The following SOCS7 variants were observed in gnomAD, a reference collection of about 807,000 sequenced individuals.
SOCS7 encodes the protein suppressor of cytokine signaling 7, also known as NAP-4.
A neutral mutation model predicts 58.9 loss-of-function variants in SOCS7; 18 were observed. The observed-to-expected ratio is 0.31, with a 90% CI of 0.21 to 0.45. The LOEUF (loss-of-function observed/expected upper bound fraction) is 0.45, where lower values mean the gene tolerates loss of function less well. SOCS7 is among the 20% of genes least tolerant of loss of function. The probability of loss-of-function intolerance (pLI) is 1.00; values close to 1 mark genes in which losing one functional copy is unlikely to be tolerated. For missense variants in SOCS7, 667 were observed against 837.3 expected (o/e 0.80, Z 2.51); for synonymous variants, 388 against 364.3 (o/e 1.06, Z -0.74).
chr17:38,369,628 G>A (rs1434611373), intron 6 of SOCS7, among the ~76,000 whole-genome samples: 2 of 151,778 alleles, frequency 1.3e-5, no homozygotes, highest in Non-Finnish European at 2.9e-5. Context: ...GTTCTTGATA[G>A]GTGAGATGCC....
intron 5 of SOCS7, among the ~76,000 whole-genome samples, chr17:38,367,025 A>C (rs2037798875): frequency 6.6e-6 from 1 of 152,030 alleles, no homozygotes; most frequent in Admixed American, 6.6e-5. Context: ...TTGGTAACAA[A>C]ATTGTAGAAT....
chr17:38,374,353 C>T (rs72834011), intron 6 of SOCS7, among the ~76,000 whole-genome samples: 7,078 of 152,308 alleles, frequency 0.046, 195 homozygotes, highest in Middle Eastern at 0.2. Flanking sequence ...GCCTGGGCAA[C>T]GTGGTGAAAC....
At chr17:38,358,160 C>T (rs1342121458) in intron 1 of SOCS7, among the ~76,000 whole-genome samples, 2 of 152,210 alleles carry the variant, frequency 1.3e-5, no homozygotes, top group Non-Finnish European at 2.9e-5. Context: ...TCCCACCCTA[C>T]TCCTCCAGTC....
intron 2 of SOCS7, 72 bp downstream of exon 2, chr17:38,361,847 A>G (rs983418202): frequency 1.5e-5 from 16 of 1,069,062 alleles, no homozygotes; most frequent in Non-Finnish European, 1.9e-5. Context: ...GGAAACACTT[A>G]CAGATGCATC....
intron 8 of SOCS7, 112 bp from the exon 9 acceptor site, chr17:38,395,736 T>C: frequency 1.9e-6 from 2 of 1,080,360 alleles, no homozygotes; most frequent in Admixed American, 2.3e-5. Flanking sequence ...AAAATGGGGA[T>C]TGTGTTAGGT....
intron 2 of SOCS7, 52 bp downstream of exon 2, chr17:38,361,827 A>C: frequency 7.4e-7 from 1 of 1,347,622 alleles, no homozygotes; most frequent in Non-Finnish European, 1.0e-6. Context: ...GGGCGTTCTG[A>C]GACCTGTTGG....
intron 6 of SOCS7, 29 bp downstream of exon 6, chr17:38,368,079 TC>T: frequency 1.9e-6 from 3 of 1,556,164 alleles, no homozygotes; most frequent in Non-Finnish European, 2.6e-6. Flanking sequence ...AGAGGCTTCT[TC>T]CCCCCTTGAT....
intron 1 of SOCS7, among the ~76,000 whole-genome samples, chr17:38,361,136 A>T (rs1555567507): frequency 6.6e-6 from 1 of 152,232 alleles, no homozygotes; most frequent in African/African-American, 2.4e-5. Flanking sequence ...CAGAGCCCCT[A>T]ATCTGAGGAG....
Position 38,365,357 on chromosome 17 carries a change from G to GTCT in SOCS7, c.1203_1205dup (p.Ser402dup), listed in dbSNP as rs774103071. Reference sequence around the variant, plus strand: ...CATCTGTCCTTGTGGCTCCGATGGGGTCTTCCTTGCAGTCTTTCCCCCTAC... The same window carrying GTCT: ...CATCTGTCCTTGTGGCTCCGATGGGGTCTTCTTCCTTGCAGTCTTTCCCCCTAC... On this transcript the variant is annotated inframe_insertion, in exon 4 of 10. Coordinates refer to ENST00000612932, the MANE Select transcript of SOCS7 (RefSeq NM_014598.4). 3.1e-6 allele frequency: 5 copies of GTCT among 1,613,118 alleles called. No individual in the cohort carries two copies. The African/African-American group carries it at 6.7e-5, about 22-fold the overall frequency.
chr17:38,352,086 G>A lies in SOCS7; in HGVS notation c.34G>A (p.Ala12Thr). The stretch of plus-strand genomic sequence containing the variant: ...GGCCGAGCTCCGGGATGGCGAGGCG[G>A]CGGCGGCGGCCGCTTCGTACCGCGT... ...QEAELRDGEA[A>T]AAAASYRVLS... The change falls in exon 1 of 10, where the codon GCG becomes ACG. Residue 12 changes from alanine (A) to threonine (T), a missense_variant. By Grantham distance (58) the Ala-to-Thr change is moderately conservative. This residue lies in a region of SOCS7 where 65 missense variants were observed against 51.0 expected (regional missense o/e 1.27). Coordinates refer to ENST00000612932, the MANE Select transcript of SOCS7 (RefSeq NM_014598.4). This position sits in a 1 kb window ranked among gnomAD's most constrained non-coding sequence, Gnocchi z 5.5. 1 of 514,840 alleles carries A rather than the reference G, an allele frequency of 1.9e-6. No individual in the cohort carries two copies. Among genetic ancestry groups the A allele is most frequent in the Non-Finnish European group, 2.9e-6 (1 of 344,506 alleles). The allele number at this position is 514,840 out of a possible 1,614,324, so 31.9% of individuals were successfully genotyped here. A position where few individuals can be genotyped will look rare whatever the true frequency, so the allele number is the denominator to read the frequency against.
Position 38,395,877 on chromosome 17 carries a change from A to G in SOCS7, c.1847A>G (p.Tyr616Cys). 6.2e-7 allele frequency: 1 copy of G among 1,611,622 alleles called. No individual in the cohort carries two copies. The highest frequency in any genetic ancestry group is 8.5e-7 in the Non-Finnish European group (1 of 1,179,398). The change falls in exon 9 of 10, where the codon TAC becomes TGC. Residue 616 changes from tyrosine to cysteine, a missense_variant. By Grantham distance (194) the Tyr-to-Cys change is radical (BLOSUM62 -2). Transcript: ENST00000612932. ...KPLISYIRKFYYYDPQEEVYL... is the reference protein window; with the variant it reads ...KPLISYIRKFCYYDPQEEVYL... ...CTGATCTCTTATATCCGAAAGTTCT[A>G]CTACTATGATCCTCAGGAAGAGGTA...
chr17:38,398,822 A>G (rs1222543763), intron 9 of SOCS7, among the ~76,000 whole-genome samples: 1 of 151,850 alleles, frequency 6.6e-6, no homozygotes, highest in Non-Finnish European at 1.5e-5. Flanking sequence ...GCCAGGTGTG[A>G]TGGTTCACGT....
intron 7 of SOCS7, among the ~76,000 whole-genome samples, chr17:38,389,902 C>CATATATATGTACATATATAT (rs1316838528): frequency 4.6e-5 from 3 of 64,704 alleles, no homozygotes; most frequent in East Asian, 4.5e-4. Context: ...TATATATACA[C>CATATATATGTACATATATAT]ATATAGAGAG....
At chr17:38,379,168 A>C (rs1485778129) in intron 7 of SOCS7, among the ~76,000 whole-genome samples, 3 of 149,288 alleles carry the variant, frequency 2.0e-5, no homozygotes, top group Non-Finnish European at 3.0e-5. Flanking sequence ...AAAAAAAAAA[A>C]ACAAAAAAAA....
intron 1 of SOCS7, among the ~76,000 whole-genome samples, chr17:38,359,961 A>G (rs1421630139): frequency 1.3e-5 from 2 of 151,776 alleles, no homozygotes; most frequent in East Asian, 3.9e-4. Context: ...TATTTTTTGT[A>G]GAGACGAGGT....
At position 38,402,791 on chromosome 17, in the gene SOCS7, A is replaced by G. The variant is rs1233236219; in HGVS notation, c.*3309A>G. The G allele has an allele frequency of 6.6e-6, 1 of 152,186 alleles. No homozygotes were observed. The highest frequency in any genetic ancestry group is 1.9e-4 in the East Asian group (1 of 5,190). 9.4% of individuals were successfully genotyped at this position (152,186 alleles called of 1,614,324 possible). ...AAGTCACAAATTGGAAAAGGCTTAC[A>G]TCTAGGGACCCACTGTTGATTCCTA... On this transcript the variant is annotated 3_prime_UTR_variant, in exon 10 of 10. Transcript: ENST00000612932.
rs533296400 is a variant in SOCS7 at position 38,372,904 on chromosome 17, C to T, written c.1553-4810C>T. 3.9e-5 allele frequency among the ~76,000 whole-genome samples: 6 copies of T among 152,100 alleles called. No homozygotes were observed. The East Asian group carries it at 7.8e-4, about 20-fold the overall frequency. On this transcript the variant is annotated intron_variant, in intron 6 of 9. Transcript: ENST00000612932. ...GGCGGATCACATGAGGTCGGGAGTT[C>T]GAGACCAGCCTGACCAACATGGAGA...
At chr17:38,362,094 G>A (rs587597434) in intron 2 of SOCS7, among the ~76,000 whole-genome samples, 1 of 152,328 alleles carries the variant, frequency 6.6e-6, no homozygotes, top group Non-Finnish European at 1.5e-5. Flanking sequence ...TGGGCTCACA[G>A]TGCATAAAAG....
chr17:38,359,769 A>C (rs587642273), intron 1 of SOCS7, among the ~76,000 whole-genome samples: 100 of 150,862 alleles, frequency 6.6e-4, no homozygotes, highest in Non-Finnish European at 1.1e-3. Context: ...TTTTTTTAAA[A>C]AAATTTTTAA....
Sources: allele counts gnomAD v4.1 joint callset (sites outside exome capture counted in the v4.1 genomes callset), GRCh38; gene constraint gnomAD v4.1.1; regional missense constraint gnomAD v4.1.1; non-coding constraint Gnocchi (gnomAD v3.1); transcripts MANE v1.5; gene names NCBI Gene and HGNC (gene_info 2026-07-23, HGNC 2026-07-21).